Variants in ADAMTS5 observed in about 807,000 individuals in gnomAD.
ADAMTS5 encodes A disintegrin and metalloproteinase with thrombospondin motifs 5.
Under a neutral mutation model 81.4 loss-of-function variants are expected in ADAMTS5, and 54 were observed. That is an observed-to-expected ratio of 0.66 (90% CI 0.53 to 0.83). The LOEUF (loss-of-function observed/expected upper bound fraction) is 0.83. Ranked by LOEUF, ADAMTS5 falls within the 40% of genes least tolerant of loss-of-function variation. The pLI, the probability that ADAMTS5 is intolerant of heterozygous loss-of-function variation, is 0.00. For missense variants in ADAMTS5, 1,194 were observed against 1,229.9 expected (o/e 0.97, Z 0.44); for synonymous variants, 532 against 508.8 (o/e 1.05, Z -0.61).
Position 26,922,499 on chromosome 21 carries a change from A to C in ADAMTS5, c.*1554T>G, listed in dbSNP as rs938889375. 6 of 152,216 alleles carry C rather than the reference A, an allele frequency of 3.9e-5. No homozygotes were observed. Among genetic ancestry groups the C allele is most frequent in the Admixed American group, 3.9e-4 (6 of 15,296 alleles). The allele number at this position is 152,216 out of a possible 1,614,324, so 9.4% of individuals were successfully genotyped here. A position where few individuals can be genotyped will look rare whatever the true frequency, so the allele number is the denominator to read the frequency against. On this transcript the variant is annotated 3_prime_UTR_variant, in exon 8 of 8. Transcript: ENST00000284987. ...GGATTACTATGAATTTTTATAAAGA[A>C]AAATTGGCTTTGCAGTGTTTCACAA...
intron 5 of ADAMTS5, 78 bp from the exon 6 acceptor site, chr21:26,932,257 T>C: frequency 6.8e-7 from 1 of 1,464,914 alleles, no homozygotes; most frequent in Admixed American, 2.2e-5. Flanking sequence ...AAATAGTTAA[T>C]TTTAAGGGGA....
Position 26,927,712 on chromosome 21 carries a change from G to A in ADAMTS5, c.2225+2174C>T, listed in dbSNP as rs192414033. On this transcript the variant is annotated intron_variant, in intron 7 of 7. Transcript: ENST00000284987. ...AAAGGAATGCAATGATCTGGTTTAG[G>A]TAATAGCCATGGCTTCCCTTGCTTG... is the stretch of plus-strand genomic sequence containing the variant. 1.9e-3 allele frequency among the ~76,000 whole-genome samples: 295 copies of A among 152,234 alleles called. 25 individuals are homozygous for A. The South Asian group carries it at 0.048, about 25-fold the overall frequency.
In ADAMTS5 at chr21:26,924,468, G is replaced by A. The variant is rs780233563; in HGVS notation, c.2378C>T (p.Ser793Phe). 1 of 1,614,024 alleles carries A rather than the reference G, an allele frequency of 6.2e-7. No homozygotes were observed. The highest frequency in any genetic ancestry group is 8.5e-7 in the Non-Finnish European group (1 of 1,180,012). The change falls in exon 8 of 8, where the codon TCC becomes TTC. Residue 793 changes from serine to phenylalanine, a missense_variant. Around this residue, in one of 2 missense-constraint regions of ADAMTS5, gnomAD observed 696 missense variants for 817.6 expected, o/e 0.85. Coordinates refer to ENST00000284987, the MANE Select transcript of ADAMTS5 (RefSeq NM_007038.5). ...GATGTCAATGATAGTCTCTGAAGTG[G>A]AGATCATGTACTTTCCATTGATAAG... is the stretch of plus-strand genomic sequence containing the variant. ...EYLINGKYMI[S>F]TSETIIDING...
At chr21:26,939,712 G>GC (rs1286989636) in intron 3 of ADAMTS5, 1 of 152,218 alleles carries the variant, frequency 6.6e-6, no homozygotes. Flanking sequence ...CAGGGATACA[G>GC]CAGACACAGC....
intron 3 of ADAMTS5, among the ~76,000 whole-genome samples, chr21:26,935,101 T>C (rs1986989894): frequency 6.6e-6 from 1 of 152,096 alleles, no homozygotes; most frequent in South Asian, 2.1e-4. Context: ...AATCAGATGG[T>C]GAATTTTAAT....
intron 1 of ADAMTS5, among the ~76,000 whole-genome samples, chr21:26,958,709 A>T (rs1342209973): frequency 6.6e-6 from 1 of 152,210 alleles, no homozygotes; most frequent in Non-Finnish European, 1.5e-5. Flanking sequence ...TGGTAAATAG[A>T]TGAAATAAGA....
intron 2 of ADAMTS5, among the ~76,000 whole-genome samples, chr21:26,951,179 G>A (rs778687600): frequency 1.3e-5 from 2 of 152,120 alleles, no homozygotes; most frequent in Non-Finnish European, 2.9e-5. Flanking sequence ...ACAGTTGTGC[G>A]TTTCCACGAG....
Position 26,965,633 on chromosome 21 carries a change from C to T in ADAMTS5, c.759G>A (p.Gln253=), listed in dbSNP as rs535059. Reference sequence around the variant, plus strand: ...AGCGGCGCCGCCGCCGCCACCACGTCTGCGGTCCTGAGCCCCCAGCGGGCG... The same window carrying T: ...AGCGGCGCCGCCGCCGCCACCACGTTTGCGGTCCTGAGCCCCCAGCGGGCG... The part of the protein sequence containing the change: ...ALSPAGGSGP[Q]TWWRRRRRSI... Residue 253 remains glutamine, a synonymous_variant, in exon 1 of 8, where the codon CAG becomes CAA. Transcript: ENST00000284987. The T allele has an allele frequency of 1.9e-6, 3 of 1,597,400 alleles. No individual in the cohort carries two copies. Among genetic ancestry groups the T allele is most frequent in the Non-Finnish European group, 2.6e-6 (3 of 1,173,854 alleles).
chr21:26,936,020 C>T (rs1987008027), intron 3 of ADAMTS5, among the ~76,000 whole-genome samples: 1 of 152,182 alleles, frequency 6.6e-6, no homozygotes, highest in Admixed American at 6.5e-5. Context: ...GAAACTGAGG[C>T]CCATAGGAGG....
rs1986921761 is a variant in ADAMTS5, at chr21:26,932,156, A to G, written c.1897T>C (p.Cys633Arg). The G allele has an allele frequency of 1.2e-6, 2 of 1,613,738 alleles. No individual in the cohort carries two copies. The highest frequency in any genetic ancestry group is 1.7e-6 in the Non-Finnish European group (2 of 1,179,866). Residue 633 changes from cysteine to arginine, a missense_variant, in exon 6 of 8, where the codon TGT becomes CGT. Physicochemically the swap from Cys to Arg is radical, Grantham distance 180. Transcript: ENST00000284987. ...GACTGATAGCCATTTTTGGCCTCAC[A>G]CTGTTCATGACGAAATGATTTACCT... ...PNGKSFRHEQCEAKNGYQSDA... is the reference protein window; with the variant it reads ...PNGKSFRHEQREAKNGYQSDA...
chr21:26,961,178 TAAG>T (rs1393411929), intron 1 of ADAMTS5, among the ~76,000 whole-genome samples: 11 of 152,374 alleles, frequency 7.2e-5, no homozygotes, highest in African/African-American at 1.9e-4. Context: ...GCTGTTAGTC[TAAG>T]AAGTTTATCT....
rs1293928427 is a variant in ADAMTS5 at position 26,918,635 on chromosome 21, A to G, written c.*5418T>C. 1 of 151,978 alleles carries G rather than the reference A, an allele frequency of 6.6e-6. No individual in the cohort carries two copies. The highest frequency in any genetic ancestry group is 2.1e-4 in the South Asian group (1 of 4,822). 9.4% of individuals were successfully genotyped at this position (151,978 alleles called of 1,614,324 possible). ...CAAAAATAGCATCCAGAGATTATAT[A>G]TTTCTTAATCAAAAGTCTAGCTTTA... On this transcript the variant is annotated 3_prime_UTR_variant, in exon 8 of 8. Transcript: ENST00000284987.
chr21:26,958,581 G>T (rs1029764640), intron 1 of ADAMTS5, among the ~76,000 whole-genome samples: 1 of 152,074 alleles, frequency 6.6e-6, no homozygotes, highest in African/African-American at 2.4e-5. Flanking sequence ...TACACCTAAG[G>T]GATACCAAAC....
At chr21:26,938,085 C>G (rs972377707) in intron 3 of ADAMTS5, among the ~76,000 whole-genome samples, 1 of 151,850 alleles carries the variant, frequency 6.6e-6, no homozygotes, top group South Asian at 2.1e-4. Flanking sequence ...ACTAAAAATA[C>G]AAAAATTAGC....
intron 3 of ADAMTS5, among the ~76,000 whole-genome samples, chr21:26,939,907 A>G (rs960402522): frequency 2.0e-5 from 3 of 152,158 alleles, no homozygotes; most frequent in Non-Finnish European, 4.4e-5. Context: ...CAAGGTTGGG[A>G]GGAGGGGGGT....
rs1265306081 is a variant in ADAMTS5, at chr21:26,934,561, T to C, written c.1594A>G (p.Lys532Glu). The change falls in exon 4 of 8, where the codon AAG becomes GAG. Residue 532 changes from lysine to glutamate, a missense_variant. By Grantham distance (56) the Lys-to-Glu change is moderately conservative. Coordinates refer to ENST00000284987, the MANE Select transcript of ADAMTS5 (RefSeq NM_007038.5). Reference sequence around the variant, plus strand: ...GTCCCTTCCACCGCAGGCAGCTTCTTGGTCAGACAGACCATCTGGCCCTGG... The same window carrying C: ...GTCCCTTCCACCGCAGGCAGCTTCTCGGTCAGACAGACCATCTGGCCCTGG... ...VRQGQMVCLT[K>E]KLPAVEGTPC... The C allele has an allele frequency of 1.9e-6, 3 of 1,614,072 alleles. No homozygotes were observed. Among genetic ancestry groups the C allele is most frequent in the Non-Finnish European group, 2.5e-6 (3 of 1,180,034 alleles).
At chr21:26,963,910 A>T (rs1355961426) in intron 1 of ADAMTS5, among the ~76,000 whole-genome samples, 1 of 152,116 alleles carries the variant, frequency 6.6e-6, no homozygotes, top group East Asian at 1.9e-4. Flanking sequence ...ATCTTTGTTT[A>T]CATGTGGTTT....
At position 26,920,262 on chromosome 21, in the gene ADAMTS5, G is replaced by A. The variant is rs3746836; in HGVS notation, c.*3791C>T. The A allele has an allele frequency of 0.29, 43,414 of 151,816 alleles. 6,631 individuals are homozygous for A. The highest frequency in any genetic ancestry group is 0.36 in the African/African-American group (14,855 of 41,392). The allele number at this position is 151,816 out of a possible 1,614,324, so 9.4% of individuals were successfully genotyped here. A position where few individuals can be genotyped will look rare whatever the true frequency, so the allele number is the denominator to read the frequency against. On this transcript the variant is annotated 3_prime_UTR_variant, in exon 8 of 8. Transcript: ENST00000284987. The stretch of plus-strand genomic sequence containing the variant: ...ACCAGAGATTGGCTGTGTGTCCAAG[G>A]GTGCTTTGTCTTGTTGCCAGGATCA...
rs998632088 is a variant in ADAMTS5 at position 26,920,621 on chromosome 21, C to T, written c.*3432G>A. ...CAACTTTCATCTAATACATCAATAT[C>T]GACTTGTCCAAGTTTCTCGATGAAG... On this transcript the variant is annotated 3_prime_UTR_variant, in exon 8 of 8. Transcript: ENST00000284987. 4.6e-5 allele frequency: 7 copies of T among 151,994 alleles called. No individual in the cohort carries two copies. Among genetic ancestry groups the T allele is most frequent in the Admixed American group, 1.3e-4 (2 of 15,250 alleles). The allele number at this position is 151,994 out of a possible 1,614,324, so 9.4% of individuals were successfully genotyped here. A position where few individuals can be genotyped will look rare whatever the true frequency, so the allele number is the denominator to read the frequency against.
Sources: allele counts gnomAD v4.1 joint callset (sites outside exome capture counted in the v4.1 genomes callset), GRCh38; gene constraint gnomAD v4.1.1; regional missense constraint gnomAD v4.1.1; transcripts MANE v1.5; gene names NCBI Gene and HGNC (gene_info 2026-07-23, HGNC 2026-07-21).